The following MAP2K5 variants were observed in gnomAD, a reference collection of about 807,000 sequenced individuals.
MAP2K5 encodes the protein dual specificity mitogen-activated protein kinase kinase 5.
A neutral mutation model predicts 83.1 loss-of-function variants in MAP2K5; 49 were observed. The observed-to-expected ratio is 0.59, with a 90% CI of 0.47 to 0.75. The LOEUF is 0.75. Among genes scored for constraint, MAP2K5 ranks in the 30% least tolerant of loss-of-function variants. The probability of loss-of-function intolerance (pLI) is 0.00; values close to 1 mark genes in which losing one functional copy is unlikely to be tolerated. For missense variants in MAP2K5, 457 were observed against 557.5 expected (o/e 0.82, Z 1.82); for synonymous variants, 202 against 191.8 (o/e 1.05, Z -0.44).
At chr15:67,730,932 G>C (rs1426445742) in intron 17 of MAP2K5, among the ~76,000 whole-genome samples, 2 of 152,172 alleles carry the variant, frequency 1.3e-5, no homozygotes, top group Admixed American at 6.5e-5. Flanking sequence ...TGAGGTGTCA[G>C]TTTCCTCATC....
Position 67,782,173 on chromosome 15 carries a change from C to A in MAP2K5, c.1242+9421C>A, listed in dbSNP as rs1245577068. Among the ~76,000 whole-genome samples, 1 of 152,192 alleles carries A rather than the reference C, an allele frequency of 6.6e-6. No homozygotes were observed. The highest frequency in any genetic ancestry group is 1.9e-4 in the East Asian group (1 of 5,198). Reference sequence around the variant, plus strand: ...AGTAGATAAGAAAATGTTCCTTTCACAAAGAGGCAGTGTCTCCCGCCTCTG... The same window carrying A: ...AGTAGATAAGAAAATGTTCCTTTCAAAAAGAGGCAGTGTCTCCCGCCTCTG... On this transcript the variant is annotated intron_variant, in intron 21 of 21. Transcript: ENST00000178640. The surrounding 1 kb of genome is among the most constrained non-coding windows in gnomAD (Gnocchi z 4.9).
Position 67,769,634 on chromosome 15 carries a change from G to A in MAP2K5, c.1167G>A (p.Ser389=), listed in dbSNP as rs149823125. 1.1e-5 allele frequency: 17 copies of A among 1,613,540 alleles called. No individual in the cohort carries two copies. The Middle Eastern group carries it at 8.2e-4, about 78-fold the overall frequency. The change falls in exon 20 of 22, where the codon TCG becomes TCA. Residue 389 remains serine, a synonymous_variant. Coordinates refer to ENST00000178640, the MANE Select transcript of MAP2K5 (RefSeq NM_145160.3). This position sits in a 1 kb window ranked among gnomAD's most constrained non-coding sequence, Gnocchi z 5.2. ...CCGTCCTTCCAGTTGGAGAGTTCTC[G>A]GAGCCATTTGTACATTTCATCACTC... ...DSPVLPVGEF[S]EPFVHFITQC...
intron 16 of MAP2K5, among the ~76,000 whole-genome samples, chr15:67,711,917 T>G (rs2088700638): frequency 6.6e-6 from 1 of 152,242 alleles, no homozygotes; most frequent in Non-Finnish European, 1.5e-5. Context: ...GTTTGACAAT[T>G]ATGATAAGAC....
chr15:67,634,367 C>CAAAAAAAAAAAAAAAAAA lies in MAP2K5; in HGVS notation c.585+3465_585+3482dup, dbSNP rs71142390. Among the ~76,000 whole-genome samples, 19 of 48,562 alleles carry CAAAAAAAAAAAAAAAAAA rather than the reference C, an allele frequency of 3.9e-4. 4 individuals carry two copies. Among genetic ancestry groups the CAAAAAAAAAAAAAAAAAA allele is most frequent in the South Asian group, 7.7e-4 (1 of 1,304 alleles). The allele number at this position is 48,562 out of a possible 152,430, so 31.9% of individuals were successfully genotyped here. ...TGGGTGACAGAGTAAGACCTCATCT[C>CAAAAAAAAAAAAAAAAAA]AAAAAAAAAAAAAAAAAAAAAAAAA... On this transcript the variant is annotated intron_variant, in intron 9 of 21. Coordinates refer to ENST00000178640, the MANE Select transcript of MAP2K5 (RefSeq NM_145160.3).
At chr15:67,679,612 G>GAGGA (rs1567355711) in intron 13 of MAP2K5, 1 of 151,974 alleles carries the variant, frequency 6.6e-6, no homozygotes, top group Non-Finnish European at 1.5e-5. Flanking sequence ...CAGGCCTAGA[G>GAGGA]CATATCAGTT....
intron 8 of MAP2K5, chr15:67,628,105 CAA>C: frequency 1.3e-6 from 1 of 775,858 alleles, no homozygotes; most frequent in Non-Finnish European, 2.3e-6. Flanking sequence ...GCTGTGGGAA[CAA>C]AGAGAGCTGT....
rs372089160 is a variant in MAP2K5 at position 67,644,351 on chromosome 15, G to A, written c.586-1880G>A. Among the ~76,000 whole-genome samples, 102 of 152,112 alleles carry A rather than the reference G, an allele frequency of 6.7e-4. 1 individual carries two copies. The East Asian group carries it at 7.3e-3, about 11-fold the overall frequency. On this transcript the variant is annotated intron_variant, in intron 9 of 21. Transcript: ENST00000178640. This position sits in a 1 kb window ranked among gnomAD's most constrained non-coding sequence, Gnocchi z 4.6. ...GGAGGTTGCAGTGAGCCAAGATCGC[G>A]CCACTACACTCCAGCCTGGGTGACA...
chr15:67,615,190 G>T (rs1241051063), intron 8 of MAP2K5, among the ~76,000 whole-genome samples: 1 of 152,068 alleles, frequency 6.6e-6, no homozygotes, highest in Non-Finnish European at 1.5e-5. Context: ...TAGAAACAGG[G>T]TTTCACCATG....
intron 6 of MAP2K5, among the ~76,000 whole-genome samples, chr15:67,589,745 G>C (rs1371349863): frequency 6.6e-6 from 1 of 151,514 alleles, no homozygotes; most frequent in Middle Eastern, 3.2e-3. Context: ...GGAAAACTAG[G>C]ATCTGAATGT....
intron 13 of MAP2K5, among the ~76,000 whole-genome samples, chr15:67,687,455 A>G (rs2087985995): frequency 1.3e-5 from 2 of 152,366 alleles, no homozygotes; most frequent in East Asian, 1.9e-4. Flanking sequence ...TCGCATGAAC[A>G]GTATTTTTGT....
At chr15:67,549,040 G>C (rs1274260587) in intron 1 of MAP2K5, 1 of 1,489,178 alleles carries the variant, frequency 6.7e-7, no homozygotes, top group Non-Finnish European at 8.9e-7. Context: ...TGGAAAGGCT[G>C]TGGGCTCCCT....
In MAP2K5 at chr15:67,769,727, C is replaced by A; in HGVS notation, c.1196+64C>A. ...ATGATACATGCCATTAACTCGGCAG[C>A]TCCGTGAGACCTTATGGCTCTCCCT... On this transcript the variant is annotated intron_variant, in intron 20 of 21. Coordinates refer to ENST00000178640, the MANE Select transcript of MAP2K5 (RefSeq NM_145160.3). The surrounding 1 kb of genome is among the most constrained non-coding windows in gnomAD (Gnocchi z 5.2). 1.3e-6 allele frequency: 2 copies of A among 1,515,216 alleles called. No homozygotes were observed. The highest frequency in any genetic ancestry group is 1.8e-6 in the Non-Finnish European group (2 of 1,093,114). 93.9% of individuals were successfully genotyped at this position (1,515,216 alleles called of 1,614,324 possible).
rs1481418064 is a variant in MAP2K5 at position 67,757,886 on chromosome 15, G to T, written c.1134+9285G>T. 2.6e-5 allele frequency among the ~76,000 whole-genome samples: 4 copies of T among 152,110 alleles called. No individual in the cohort carries two copies. The highest frequency in any genetic ancestry group is 9.7e-5 in the African/African-American group (4 of 41,410). ...GGAGAGAACTCAGTGGAGGAGATGG[G>T]GGCTACCAGGGAAGCTCTGCAGAGG... On this transcript the variant is annotated intron_variant, in intron 19 of 21. Transcript: ENST00000178640. The surrounding 1 kb of genome is among the most constrained non-coding windows in gnomAD (Gnocchi z 4.9).
At chr15:67,726,178 G>A (rs1409344202) in intron 16 of MAP2K5, among the ~76,000 whole-genome samples, 4 of 152,086 alleles carry the variant, frequency 2.6e-5, no homozygotes, top group South Asian at 2.1e-4. Flanking sequence ...ATGAAACTAG[G>A]TATTCTAAGA....
intron 4 of MAP2K5, among the ~76,000 whole-genome samples, chr15:67,583,961 C>G (rs2085237534): frequency 6.8e-6 from 1 of 146,972 alleles, no homozygotes; most frequent in African/African-American, 2.6e-5. Flanking sequence ...GTTGCCCAGG[C>G]TGGTGTCAAA....
At chr15:67,713,826 A>G (rs974454183) in intron 16 of MAP2K5, among the ~76,000 whole-genome samples, 1 of 151,910 alleles carries the variant, frequency 6.6e-6, no homozygotes, top group Non-Finnish European at 1.5e-5. Context: ...TCATTTTGTC[A>G]TTTTCTTTCC....
At chr15:67,631,934 G>T (rs1022452600) in intron 9 of MAP2K5, among the ~76,000 whole-genome samples, 4 of 151,796 alleles carry the variant, frequency 2.6e-5, no homozygotes, top group African/African-American at 9.7e-5. Flanking sequence ...CCCACAAATT[G>T]TTCAGACCCT....
rs2089934304 is a variant in MAP2K5 at position 67,760,771 on chromosome 15, T to C, written c.1135-8831T>C. On this transcript the variant is annotated intron_variant, in intron 19 of 21. Transcript: ENST00000178640. This position sits in a 1 kb window ranked among gnomAD's most constrained non-coding sequence, Gnocchi z 4.1. ...GCCTGGTGGGGCCAGTTTTGGCTGC[T>C]GTCATTTAACATGTGTTGCTGTATT... is the stretch of plus-strand genomic sequence containing the variant. 6.6e-6 allele frequency among the ~76,000 whole-genome samples: 1 copy of C among 152,212 alleles called. No individual in the cohort carries two copies. The highest frequency in any genetic ancestry group is 1.5e-5 in the Non-Finnish European group (1 of 68,038).
rs1361172122 is a variant in MAP2K5, at chr15:67,722,335, AAATT to A, written c.1045-5576_1045-5573del. ...AGCTGCAAACTATAGGCAGAAGATTAAATTAATTTGTAACTCTTTTTTTTTTTTT... is the reference window on the plus strand; with the variant it reads ...AGCTGCAAACTATAGGCAGAAGATTAAATTTGTAACTCTTTTTTTTTTTTT... On this transcript the variant is annotated intron_variant, in intron 16 of 21. Coordinates refer to ENST00000178640, the MANE Select transcript of MAP2K5 (RefSeq NM_145160.3). The surrounding 1 kb of genome is among the most constrained non-coding windows in gnomAD (Gnocchi z 4.2). 6.6e-6 allele frequency among the ~76,000 whole-genome samples: 1 copy of A among 150,916 alleles called. No homozygotes were observed. The highest frequency in any genetic ancestry group is 1.5e-5 in the Non-Finnish European group (1 of 67,930).
Sources: gnomAD v4.1 joint callset for allele counts (sites outside exome capture counted in the v4.1 genomes callset) on GRCh38, gnomAD v4.1.1 for gene constraint, Gnocchi (gnomAD v3.1) non-coding constraint, MANE v1.5 for transcripts, NCBI Gene and HGNC (gene_info 2026-07-23, HGNC 2026-07-21) for gene names.